NCAM2: variants seen among roughly 807,000 people sequenced by gnomAD.
NCAM2 encodes the protein N-CAM-2.
In NCAM2, 30 loss-of-function variants were observed where a neutral mutation model predicts 98.1. That is an observed-to-expected ratio of 0.31 (90% CI 0.23 to 0.41). The LOEUF (loss-of-function observed/expected upper bound fraction) is 0.41, where lower values mean the gene tolerates loss of function less well. Ranked by LOEUF, NCAM2 falls within the 10% of genes least tolerant of loss-of-function variation. NCAM2 has a pLI of 1.00. For synonymous variants in NCAM2, 368 were observed against 342.4 expected (o/e 1.07, Z -0.83); for missense variants, 867 against 1,005.8 (o/e 0.86, Z 1.87).
rs149019050 is a variant in NCAM2 at position 21,470,504 on chromosome 21, C to T, written c.1896+1721C>T. 4.7e-3 allele frequency among the ~76,000 whole-genome samples: 715 copies of T among 152,080 alleles called. 8 individuals carry two copies. Among genetic ancestry groups the T allele is most frequent in the African/African-American group, 0.016 (672 of 41,522 alleles). ...CATAGTTGCTAAGGTATAGTTGATA[C>T]GGCTTACTGATAAAGTTTAAACAAG... On this transcript the variant is annotated intron_variant, in intron 14 of 17. Coordinates refer to ENST00000400546, the MANE Select transcript of NCAM2 (RefSeq NM_004540.5).
intron 1 of NCAM2, among the ~76,000 whole-genome samples, chr21:21,004,355 A>T (rs1224486700): frequency 6.6e-6 from 1 of 152,306 alleles, no homozygotes; most frequent in East Asian, 1.9e-4. Context: ...GTCAAGAGAC[A>T]ATTAGCTTTG....
chr21:21,169,643 C>T (rs2068057704), intron 1 of NCAM2, among the ~76,000 whole-genome samples: 2 of 152,094 alleles, frequency 1.3e-5, no homozygotes, highest in African/African-American at 4.8e-5. Context: ...TGAGGAGACA[C>T]CTCACCAAAG....
At chr21:21,156,042 A>G (rs2067601897) in intron 1 of NCAM2, among the ~76,000 whole-genome samples, 1 of 151,978 alleles carries the variant, frequency 6.6e-6, no homozygotes, top group Admixed American at 6.6e-5. Flanking sequence ...TAGTAGTCAT[A>G]CTGTCTGCTT....
At chr21:21,029,617 T>C (rs1193400585) in intron 1 of NCAM2, among the ~76,000 whole-genome samples, 1 of 152,094 alleles carries the variant, frequency 6.6e-6, no homozygotes, top group Non-Finnish European at 1.5e-5. Flanking sequence ...ATATTTATTT[T>C]TTTATTATTG....
chr21:21,321,331 G>A (rs1275862104), intron 5 of NCAM2, among the ~76,000 whole-genome samples: 1 of 152,038 alleles, frequency 6.6e-6, no homozygotes, highest in African/African-American at 2.4e-5. Context: ...CAGAGGCATA[G>A]ATTGCAAACA....
intron 15 of NCAM2, among the ~76,000 whole-genome samples, chr21:21,496,898 G>C (rs1219773725): frequency 6.6e-6 from 1 of 152,024 alleles, no homozygotes; most frequent in Non-Finnish European, 1.5e-5. Context: ...TGTTGTAGGT[G>C]AGGTGGTTGT....
chr21:21,276,881 G>A (rs2072748184), intron 1 of NCAM2, among the ~76,000 whole-genome samples: 1 of 151,712 alleles, frequency 6.6e-6, no homozygotes, highest in Non-Finnish European at 1.5e-5. Flanking sequence ...TATGTGCATT[G>A]GTAATTTGTA....
At position 21,373,795 on chromosome 21, in the gene NCAM2, A is replaced by G; in HGVS notation, c.1045-68A>G. 5.4e-6 allele frequency: 7 copies of G among 1,284,788 alleles called. No homozygotes were observed. The East Asian group carries it at 1.0e-4, about 19-fold the overall frequency. 79.6% of individuals were successfully genotyped at this position (1,284,788 alleles called of 1,614,324 possible). On this transcript the variant is annotated intron_variant, in intron 8 of 17. Coordinates refer to ENST00000400546, the MANE Select transcript of NCAM2 (RefSeq NM_004540.5). ...GAAACATGGGAAGTAACATAATGTT[A>G]TATGTTTGGTCACCATTTTGCACAC... is the stretch of plus-strand genomic sequence containing the variant.
At chr21:21,427,415 T>C (rs1215282372) in intron 11 of NCAM2, among the ~76,000 whole-genome samples, 2 of 152,196 alleles carry the variant, frequency 1.3e-5, no homozygotes, top group African/African-American at 4.8e-5. Flanking sequence ...CATTATCAGT[T>C]AATCAAGACG....
chr21:21,459,217 A>G (rs532913646), intron 12 of NCAM2, among the ~76,000 whole-genome samples: 3 of 151,964 alleles, frequency 2.0e-5, no homozygotes, highest in Non-Finnish European at 2.9e-5. Context: ...AAGCATGTAG[A>G]GAAACGGTAA....
intron 8 of NCAM2, among the ~76,000 whole-genome samples, chr21:21,348,881 A>G (rs1466469641): frequency 6.6e-6 from 1 of 152,170 alleles, no homozygotes; most frequent in East Asian, 1.9e-4. Flanking sequence ...CTGGATATCC[A>G]TATGCAGAAG....
rs545888350 is a variant in NCAM2, at chr21:21,060,691, G to T, written c.55+62073G>T. On this transcript the variant is annotated intron_variant, in intron 1 of 17. Coordinates refer to ENST00000400546, the MANE Select transcript of NCAM2 (RefSeq NM_004540.5). ...CCTTTTAATATGGTGTGGTGGGGATGTGAGTAGCATAGACACACACAGACA... is the reference window on the plus strand; with the variant it reads ...CCTTTTAATATGGTGTGGTGGGGATTTGAGTAGCATAGACACACACAGACA... Among the ~76,000 whole-genome samples, 16 of 152,276 alleles carry T rather than the reference G, an allele frequency of 1.1e-4. 1 individual carries two copies. The South Asian group carries it at 3.3e-3, about 32-fold the overall frequency.
chr21:21,511,853 G>A (rs76090158), intron 16 of NCAM2, among the ~76,000 whole-genome samples: 2,704 of 152,018 alleles, frequency 0.018, 79 homozygotes, highest in African/African-American at 0.062. Flanking sequence ...TGATGATGCT[G>A]AGCATTTTTT....
chr21:21,510,474 ATGT>A (rs1266986498), intron 16 of NCAM2, among the ~76,000 whole-genome samples: 1 of 152,096 alleles, frequency 6.6e-6, no homozygotes, highest in Non-Finnish European at 1.5e-5. Flanking sequence ...ATCTTCAAAA[ATGT>A]TGTATTAGGA....
rs373506955 is a variant in NCAM2, at chr21:21,264,859, CGT to C, written c.56-15708_56-15707del. 6.4e-3 allele frequency among the ~76,000 whole-genome samples: 882 copies of C among 137,522 alleles called. 7 individuals are homozygous for C. The highest frequency in any genetic ancestry group is 0.01 in the Non-Finnish European group (664 of 63,544). The allele number at this position is 137,522 out of a possible 152,430, so 90.2% of individuals were successfully genotyped here. On this transcript the variant is annotated intron_variant, in intron 1 of 17. Coordinates refer to ENST00000400546, the MANE Select transcript of NCAM2 (RefSeq NM_004540.5). ...ATATACACACATGCACACGCACACA[CGT>C]GTGTGTGTGTTCATAGTGGGATATA...
intron 15 of NCAM2, among the ~76,000 whole-genome samples, chr21:21,502,047 G>T (rs138498130): frequency 6.6e-6 from 1 of 151,848 alleles, no homozygotes; most frequent in Non-Finnish European, 1.5e-5. Context: ...AGTATTTTGC[G>T]AGAAAAATTT....
At chr21:21,413,041 T>A (rs916211830) in intron 10 of NCAM2, among the ~76,000 whole-genome samples, 1 of 152,202 alleles carries the variant, frequency 6.6e-6, no homozygotes, top group Non-Finnish European at 1.5e-5. Flanking sequence ...TTCAAACTTT[T>A]AAAATTGTGT....
At chr21:21,147,268 G>C in intron 1 of NCAM2, 1 of 983,870 alleles carries the variant, frequency 1.0e-6, no homozygotes, top group South Asian at 4.7e-5. Flanking sequence ...ATTCAGAGAT[G>C]TGTCACTGAA....
intron 1 of NCAM2, among the ~76,000 whole-genome samples, chr21:21,270,315 C>G (rs1212627907): frequency 6.6e-6 from 1 of 152,122 alleles, no homozygotes; most frequent in East Asian, 1.9e-4. Flanking sequence ...TCATAATGTA[C>G]TCAGGGCCTA....
Sources: allele counts gnomAD v4.1 joint callset (sites outside exome capture counted in the v4.1 genomes callset), GRCh38; gene constraint gnomAD v4.1.1; transcripts MANE v1.5; gene names NCBI Gene and HGNC (gene_info 2026-07-23, HGNC 2026-07-21).